Variants in ARSB observed in about 807,000 individuals in gnomAD.
ARSB encodes N-acetylgalactosamine-4-sulfatase.
Under a neutral mutation model 50.9 loss-of-function variants are expected in ARSB, and 41 were observed. The ratio of observed to expected loss-of-function variants is 0.81; its 90% CI spans 0.63 to 1.04. The LOEUF is 1.04. Ranked by LOEUF, ARSB falls within the 50% of genes least tolerant of loss-of-function variation. The probability of loss-of-function intolerance (pLI) is 0.00; values close to 1 mark genes in which losing one functional copy is unlikely to be tolerated. For missense variants in ARSB, 672 were observed against 693.3 expected, an observed-to-expected ratio of 0.97 and a Z score of 0.35; for synonymous variants, 269 against 284.8, an observed-to-expected ratio of 0.94 and a Z score of 0.56.
intron 1 of ARSB, among the ~76,000 whole-genome samples, chr5:78,981,301 A>T (rs1171027037): frequency 6.6e-6 from 1 of 152,182 alleles, no homozygotes; most frequent in Admixed American, 6.6e-5. Flanking sequence ...TCTGCTAATT[A>T]GTCTCCTCCA....
intron 4 of ARSB, among the ~76,000 whole-genome samples, chr5:78,948,064 G>T (rs933747535): frequency 6.6e-5 from 10 of 152,126 alleles, no homozygotes; most frequent in Non-Finnish European, 1.2e-4. Context: ...TCACTTATTT[G>T]TAAGAGCTAA....
At chr5:78,980,065 G>C (rs190734524) in intron 1 of ARSB, among the ~76,000 whole-genome samples, 1 of 152,186 alleles carries the variant, frequency 6.6e-6, no homozygotes, top group East Asian at 1.9e-4. Flanking sequence ...TAGATAATAA[G>C]AAGGCTGGTG....
chr5:78,863,612 T>TG (rs1746558795), intron 5 of ARSB, among the ~76,000 whole-genome samples: 1 of 12,704 alleles, frequency 7.9e-5, no homozygotes, highest in Admixed American at 1.0e-3. Context: ...TGTTGTGGGG[T>TG]GGGGGGTGGG....
intron 2 of ARSB, among the ~76,000 whole-genome samples, chr5:78,965,405 C>A (rs1752161259): frequency 6.6e-6 from 1 of 151,938 alleles, no homozygotes; most frequent in African/African-American, 2.4e-5. Context: ...GTATTAAATG[C>A]CCACAACATG....
intron 5 of ARSB, among the ~76,000 whole-genome samples, chr5:78,847,044 T>C (rs1290812218): frequency 6.6e-6 from 1 of 152,214 alleles, no homozygotes; most frequent in East Asian, 1.9e-4. Flanking sequence ...TGATGTAATG[T>C]GTCATGTTTA....
chr5:78,792,400 C>G (rs770116508), intron 6 of ARSB, among the ~76,000 whole-genome samples: 1 of 151,016 alleles, frequency 6.6e-6, no homozygotes, highest in Non-Finnish European at 1.5e-5. Flanking sequence ...AAAAAAGTTA[C>G]GCATTCAAGG....
chr5:78,933,801 T>A (rs908297580), intron 4 of ARSB, among the ~76,000 whole-genome samples: 1 of 152,192 alleles, frequency 6.6e-6, no homozygotes, highest in African/African-American at 2.4e-5. Flanking sequence ...AAAGTTGCCA[T>A]GGAATTGAAG....
Position 78,970,789 on chromosome 5 carries a change from AC to A in ARSB, c.313-1598del, listed in dbSNP as rs1241827311. Among the ~76,000 whole-genome samples the A allele has an allele frequency of 3.3e-5, 5 of 152,222 alleles. No homozygotes were observed. The East Asian group carries it at 9.6e-4, about 29-fold the overall frequency. ...GGCAACATGCCATGATCTCATCTCT[AC>A]TAAAAATAAAAATAGAAAAAATTAG... On this transcript the variant is annotated intron_variant, in intron 1 of 7. Coordinates refer to ENST00000264914, the MANE Select transcript of ARSB (RefSeq NM_000046.5).
chr5:78,855,518 G>A (rs1746094391), intron 5 of ARSB, among the ~76,000 whole-genome samples: 3 of 152,144 alleles, frequency 2.0e-5, no homozygotes, highest in African/African-American at 7.2e-5. Context: ...TTCAGCAATG[G>A]CTTAGCCTCA....
Position 78,815,976 on chromosome 5 carries a change from G to C in ARSB, c.1213+23380C>G. On this transcript the variant is annotated intron_variant, in intron 6 of 7. Transcript: ENST00000264914. Reference sequence around the variant, plus strand: ...CAGGTTCCTAGTTCCCGCCTCTTCTGCCACTTCTGCAGGAGCCACCCGAGG... The same window carrying C: ...CAGGTTCCTAGTTCCCGCCTCTTCTCCCACTTCTGCAGGAGCCACCCGAGG... 5 of 1,552,318 alleles carry C rather than the reference G, an allele frequency of 3.2e-6. No individual in the cohort carries two copies. In the South Asian group the frequency reaches 5.7e-5, roughly 18 times the overall value.
At chr5:78,876,151 ATAAT>A (rs1291332307) in intron 5 of ARSB, among the ~76,000 whole-genome samples, 5 of 152,084 alleles carry the variant, frequency 3.3e-5, no homozygotes, top group Admixed American at 3.3e-4. Flanking sequence ...AACATTAAAC[ATAAT>A]TAAATATATA....
At chr5:78,821,610 A>C (rs1196908231) in intron 6 of ARSB, among the ~76,000 whole-genome samples, 1 of 152,254 alleles carries the variant, frequency 6.6e-6, no homozygotes, top group Non-Finnish European at 1.5e-5. Flanking sequence ...AGGAATTTTT[A>C]GAATGTGGGA....
chr5:78,840,302 G>C (rs1012325053), intron 5 of ARSB, among the ~76,000 whole-genome samples: 1 of 152,170 alleles, frequency 6.6e-6, no homozygotes, highest in South Asian at 2.1e-4. Flanking sequence ...GCAAAGTACT[G>C]TTAACACCAC....
At chr5:78,832,230 G>A (rs984067033) in intron 6 of ARSB, among the ~76,000 whole-genome samples, 4 of 152,138 alleles carry the variant, frequency 2.6e-5, no homozygotes, top group African/African-American at 7.2e-5. Flanking sequence ...TACAGAAGGC[G>A]CAGGGCAACA....
rs1216532043 is a variant in ARSB, at chr5:78,800,870, G to A, written c.1214-18896C>T. On this transcript the variant is annotated intron_variant, in intron 6 of 7. Transcript: ENST00000264914. ...TTCCCAGAGAAGGTGAGACTTAGGG[G>A]ATGAAGGCTTGCACTAAAACATCAG... Among the ~76,000 whole-genome samples the A allele has an allele frequency of 2.0e-5, 3 of 152,132 alleles. No homozygotes were observed. The East Asian group carries it at 5.8e-4, about 29-fold the overall frequency.
At chr5:78,958,637 A>C (rs977549303) in intron 3 of ARSB, among the ~76,000 whole-genome samples, 1 of 152,296 alleles carries the variant, frequency 6.6e-6, no homozygotes, top group East Asian at 1.9e-4. Context: ...GGGGAAAATT[A>C]AGTCCTGGAG....
At position 78,908,078 on chromosome 5, in the gene ARSB, T is replaced by C. The variant is rs181318832; in HGVS notation, c.899-22251A>G. ...TCCAATAATAGAAATTTAGCTCCCT[T>C]CCAGTGTAGCTGTATGCTGGGGTCT... is the stretch of plus-strand genomic sequence containing the variant. On this transcript the variant is annotated intron_variant, in intron 4 of 7. Coordinates refer to ENST00000264914, the MANE Select transcript of ARSB (RefSeq NM_000046.5). Among the ~76,000 whole-genome samples, 18 of 152,298 alleles carry C rather than the reference T, an allele frequency of 1.2e-4. No individual in the cohort carries two copies. The East Asian group carries it at 3.5e-3, about 29-fold the overall frequency.
chr5:78,832,468 T>G (rs781299993), intron 6 of ARSB, among the ~76,000 whole-genome samples: 1 of 152,160 alleles, frequency 6.6e-6, no homozygotes, highest in Non-Finnish European at 1.5e-5. Context: ...ACCTCATGCA[T>G]CCCAGGCCAT....
chr5:78,889,114 T>C (rs1001956322), intron 4 of ARSB, among the ~76,000 whole-genome samples: 1 of 152,216 alleles, frequency 6.6e-6, no homozygotes, highest in Admixed American at 6.5e-5. Flanking sequence ...ATTAGTTGGT[T>C]AACTATATGA....
Sources: gnomAD v4.1 joint callset for allele counts (sites outside exome capture counted in the v4.1 genomes callset) on GRCh38, gnomAD v4.1.1 for gene constraint, MANE v1.5 for transcripts, NCBI Gene and HGNC (gene_info 2026-07-23, HGNC 2026-07-21) for gene names.